The following JAG2 variants were observed in gnomAD, a reference collection of about 807,000 sequenced individuals.
JAG2 encodes the protein protein jagged-2.
In JAG2, 46 loss-of-function variants were observed where a neutral mutation model predicts 141.7. That is an observed-to-expected ratio of 0.32 (90% CI 0.26 to 0.42). The LOEUF (loss-of-function observed/expected upper bound fraction) is 0.42. Among genes scored for constraint, JAG2 ranks in the 10% least tolerant of loss-of-function variants. The probability of loss-of-function intolerance (pLI) is 1.00; values close to 1 mark genes in which losing one functional copy is unlikely to be tolerated. For missense variants in JAG2, 1,500 were observed against 1,817.5 expected, an observed-to-expected ratio of 0.83 and a Z score of 3.18; for synonymous variants, 862 against 763.5, an observed-to-expected ratio of 1.13 and a Z score of -2.13.
rs1487521868 is a variant in JAG2, at chr14:105,168,538, G to C, written c.-118C>G. 5 of 153,832 alleles carry C rather than the reference G, an allele frequency of 3.3e-5. No individual in the cohort carries two copies. In the East Asian group the frequency reaches 6.0e-4, roughly 18 times the overall value. The allele number at this position is 153,832 out of a possible 1,614,324, so 9.5% of individuals were successfully genotyped here. A position where few individuals can be genotyped will look rare whatever the true frequency, so the allele number is the denominator to read the frequency against. ...GAGCGCCCGCAGAGGCAGCGGCAGC[G>C]GCAGAGGCGGCGGCGGCGGCGGCGC... On this transcript the variant is annotated 5_prime_UTR_variant, in exon 1 of 26. Coordinates refer to ENST00000331782, the MANE Select transcript of JAG2 (RefSeq NM_002226.5).
rs764729652 is a variant in JAG2, at chr14:105,155,944, G to A, written c.521C>T (p.Pro174Leu). 1.1e-5 allele frequency: 17 copies of A among 1,610,360 alleles called. No homozygotes were observed. The highest frequency in any genetic ancestry group is 1.7e-5 in the Admixed American group (1 of 59,952). The change falls in exon 4 of 26, where the codon CCG (proline) becomes CTG (leucine). Residue 174 changes from proline to leucine, a missense_variant. Pro to Leu is a moderately conservative substitution (Grantham distance 98). Coordinates refer to ENST00000331782, the MANE Select transcript of JAG2 (RefSeq NM_002226.5). ...ERVSHAGMIN[P>L]EDRWKSLHFS... The stretch of plus-strand genomic sequence containing the variant: ...GTGCAGGCTCTTCCAGCGGTCCTCC[G>A]GGTTGATCATGCCGGCATGCGACAC...
In JAG2 at chr14:105,155,677, T is replaced by A; in HGVS notation, c.728-55A>T. 1.9e-6 allele frequency: 3 copies of A among 1,612,318 alleles called. No homozygotes were observed. In the South Asian group the frequency reaches 3.3e-5, roughly 18 times the overall value. ...CTGCAGCCAGCCTGGCCGCAAGGCC[T>A]GTGCCCGGGGCCCTGCCCGAGGCCC... On this transcript the variant is annotated intron_variant, in intron 4 of 25. Coordinates refer to ENST00000331782, the MANE Select transcript of JAG2 (RefSeq NM_002226.5).
Position 105,157,689 on chromosome 14 carries a change from G to A in JAG2, c.475+17C>T, listed in dbSNP as rs758530559. The A allele has an allele frequency of 1.9e-6, 3 of 1,553,222 alleles. No homozygotes were observed. The highest frequency in any genetic ancestry group is 2.6e-6 in the Non-Finnish European group (3 of 1,149,592). ...TGAAGCTGAGAGGAGCTGCCACCTG[G>A]CCCAGGGCTCACTCACCATTCGGGG... On this transcript the variant is annotated intron_variant, in intron 3 of 25. Coordinates refer to ENST00000331782, the MANE Select transcript of JAG2 (RefSeq NM_002226.5).
At position 105,148,144 on chromosome 14, in the gene JAG2, G is replaced by A. The variant is rs777762222; in HGVS notation, c.2220C>T (p.Pro740=). The A allele has an allele frequency of 2.0e-5, 31 of 1,547,826 alleles. No homozygotes were observed. Among genetic ancestry groups the A allele is most frequent in the Admixed American group, 9.8e-5 (5 of 50,982 alleles). The stretch of plus-strand genomic sequence containing the variant: ...CGGCGCAGGTGCTGCCCTTCCAGCC[G>A]GGGGGGCAGGCGCAGCGGAAGGTGT... ...SGDTFRCACP[P]GWKGSTCAVA... Residue 740 remains proline (P), a synonymous_variant, in exon 17 of 26, where the codon CCC becomes CCT. Coordinates refer to ENST00000331782, the MANE Select transcript of JAG2 (RefSeq NM_002226.5).
chr14:105,149,273 G>T lies in JAG2; in HGVS notation c.1650C>A (p.Arg550=). ...AATAGTCACCCTCCAGGTTATAGCA[G>T]CGAGCGCCGTTCCGGCAGGGGCTTG... The part of the protein sequence containing the change: ...CEPSPCRNGA[R]CYNLEGDYYC... Residue 550 remains arginine, a synonymous_variant, in exon 13 of 26, where the codon CGC becomes CGA. Coordinates refer to ENST00000331782, the MANE Select transcript of JAG2 (RefSeq NM_002226.5). 2 of 1,612,732 alleles carry T rather than the reference G, an allele frequency of 1.2e-6. No homozygotes were observed. Among genetic ancestry groups the T allele is most frequent in the Non-Finnish European group, 1.7e-6 (2 of 1,179,982 alleles).
In JAG2 at chr14:105,168,366, G is replaced by A. The variant is rs1170731098; in HGVS notation, c.55C>T (p.Leu19Phe). 1 of 994,044 alleles carries A rather than the reference G, an allele frequency of 1.0e-6. No individual in the cohort carries two copies. The highest frequency in any genetic ancestry group is 3.9e-5 in the Admixed American group (1 of 25,326). 61.6% of individuals were successfully genotyped at this position (994,044 alleles called of 1,614,324 possible). ...GCCGCCCCGCTCACCTGCACCCAGAGCGCCAGCAGCAGCAGCAGCCGCCGG... is the reference window on the plus strand; with the variant it reads ...GCCGCCCCGCTCACCTGCACCCAGAACGCCAGCAGCAGCAGCAGCCGCCGG... ...LPRRLLLLLALWVQAARPMGY... is the reference protein window; with the variant it reads ...LPRRLLLLLAFWVQAARPMGY... The change falls in exon 1 of 26, where the codon CTC (leucine) becomes TTC (phenylalanine). Residue 19 changes from leucine to phenylalanine, a missense_variant. This residue lies in a region of JAG2 where 200 missense variants were observed against 174.3 expected (regional missense o/e 1.15). Coordinates refer to ENST00000331782, the MANE Select transcript of JAG2 (RefSeq NM_002226.5).
chr14:105,151,326 C>T lies in JAG2; in HGVS notation c.1224G>A (p.Glu408=). The change falls in exon 9 of 26, where the codon GAG becomes GAA. Residue 408 remains glutamate (E), a synonymous_variant. Coordinates refer to ENST00000331782, the MANE Select transcript of JAG2 (RefSeq NM_002226.5). ...CCACCCACTGCTCGGGGCAGATGCACTCAAAGCCGTCCACCTGGTCCACAC... is the reference window on the plus strand; with the variant it reads ...CCACCCACTGCTCGGGGCAGATGCATTCAAAGCCGTCCACCTGGTCCACAC... ...GTCVDQVDGF[E]CICPEQWVGA... The T allele has an allele frequency of 6.2e-7, 1 of 1,612,760 alleles. No homozygotes were observed. Among genetic ancestry groups the T allele is most frequent in the Non-Finnish European group, 8.5e-7 (1 of 1,179,994 alleles).
At chr14:105,150,529 C>T (rs2140978335) in intron 12 of JAG2, 75 bp downstream of exon 12, 2 of 1,427,230 alleles carry the variant, frequency 1.4e-6, no homozygotes, top group African/African-American at 2.8e-5. Flanking sequence ...CACTCAGGCC[C>T]CATGGTCAGG....
chr14:105,143,545 A>G lies in JAG2; in HGVS notation c.3178T>C (p.Ser1060Pro). 1 of 1,594,972 alleles carries G rather than the reference A, an allele frequency of 6.3e-7. No homozygotes were observed. Among genetic ancestry groups the G allele is most frequent in the Non-Finnish European group, 8.5e-7 (1 of 1,173,636 alleles). ...VAAITQRGNS[S>P]LLLAVTEVKV... is the part of the protein sequence containing the mutation. ...ACCTCGGTGACAGCCAGGAGCAGTG[A>G]GCTGTTCCCCCGCTGGGTGATGGCG... Residue 1060 changes from serine to proline, a missense_variant, in exon 25 of 26, where the codon TCA becomes CCA. Around this residue, in one of 3 missense-constraint regions of JAG2, gnomAD observed 425 missense variants for 441.0 expected, o/e 0.96. Transcript: ENST00000331782.
At chr14:105,147,124 C>G in intron 20 of JAG2, 1 of 633,946 alleles carries the variant, frequency 1.6e-6, no homozygotes, top group Non-Finnish European at 2.8e-6. Flanking sequence ...CAGGCTGGGG[C>G]TCCCCACTTA....
intron 24 of JAG2, among the ~76,000 whole-genome samples, chr14:105,144,030 C>A (rs184813950): frequency 9.5e-4 from 142 of 149,558 alleles, no homozygotes; most frequent in African/African-American, 3.3e-3. Flanking sequence ...GGAGGGTGTC[C>A]CCGTCCGGGC....
intron 12 of JAG2, 129 bp downstream of exon 12, chr14:105,150,475 C>T (rs1304710512): frequency 1.4e-5 from 13 of 958,350 alleles, no homozygotes; most frequent in Non-Finnish European, 2.0e-5. Context: ...GAGAGCTGAG[C>T]CTGGGACGCC....
chr14:105,156,804 T>G (rs1199686745), intron 3 of JAG2, among the ~76,000 whole-genome samples: 1 of 152,104 alleles, frequency 6.6e-6, no homozygotes, highest in Non-Finnish European at 1.5e-5. Context: ...TCAAGAGCCC[T>G]GACGACCTTG....
intron 4 of JAG2, 28 bp downstream of exon 4, chr14:105,155,710 C>T (rs1566766332): frequency 6.2e-7 from 1 of 1,612,590 alleles, no homozygotes; most frequent in Non-Finnish European, 8.5e-7. Context: ...CCCTCCCTGC[C>T]CTCCACGCAG....
At chr14:105,156,336 G>A (rs1211015108) in intron 3 of JAG2, among the ~76,000 whole-genome samples, 1 of 152,044 alleles carries the variant, frequency 6.6e-6, no homozygotes, top group Non-Finnish European at 1.5e-5. Flanking sequence ...TCCCACACCT[G>A]TGCCCACCCA....
intron 2 of JAG2, among the ~76,000 whole-genome samples, chr14:105,160,812 G>A (rs1438522634): frequency 1.3e-5 from 2 of 150,438 alleles, no homozygotes; most frequent in African/African-American, 2.5e-5. Context: ...GCAGCGAGCC[G>A]AGATCGCACC....
chr14:105,152,911 GAC>G (rs1367923269), intron 5 of JAG2, among the ~76,000 whole-genome samples: 2 of 152,158 alleles, frequency 1.3e-5, no homozygotes, highest in African/African-American at 4.8e-5. Flanking sequence ...CACCCCCCAG[GAC>G]ACAACCACCA....
chr14:105,153,005 T>C (rs1214857565), intron 5 of JAG2, among the ~76,000 whole-genome samples: 1 of 151,772 alleles, frequency 6.6e-6, no homozygotes, highest in East Asian at 2.0e-4. Flanking sequence ...GGGTAGAACA[T>C]GGCCTGACTT....
In JAG2 at chr14:105,142,925, C is replaced by T. The variant is rs1238038983; in HGVS notation, c.3487G>A (p.Glu1163Lys). 5.0e-6 allele frequency: 8 copies of T among 1,608,296 alleles called. No individual in the cohort carries two copies. Among genetic ancestry groups the T allele is most frequent in the East Asian group, 2.2e-5 (1 of 44,686 alleles). The stretch of plus-strand genomic sequence containing the variant: ...TGGCCGGCCGGCCCGGGCAGCGCCT[C>T]GTCCGCCCTGCGCGGCGGCGGCGTG... ...NFTPPPRRAD[E>K]ALPGPAGHAA... The change falls in exon 26 of 26, where the codon GAG becomes AAG. Residue 1163 changes from glutamate (E) to lysine (K), a missense_variant. This residue lies in a region of JAG2 where 425 missense variants were observed against 441.0 expected (regional missense o/e 0.96). Coordinates refer to ENST00000331782, the MANE Select transcript of JAG2 (RefSeq NM_002226.5).
Sources: gnomAD v4.1 joint callset for allele counts (sites outside exome capture counted in the v4.1 genomes callset) on GRCh38, gnomAD v4.1.1 for gene constraint, gnomAD v4.1.1 regional missense constraint, MANE v1.5 for transcripts, NCBI Gene and HGNC (gene_info 2026-07-23, HGNC 2026-07-21) for gene names.